Variants in GLP2R observed in about 807,000 individuals in gnomAD.
The protein encoded by GLP2R is glucagon like peptide 2 receptor, also known as glucagon-like peptide 2 receptor.
GLP2R carries 59 observed loss-of-function variants against 68.2 expected under a neutral mutation model. The ratio of observed to expected loss-of-function variants is 0.87; its 90% confidence interval spans 0.70 to 1.07. The LOEUF (loss-of-function observed/expected upper bound fraction) is 1.07, where lower values mean the gene tolerates loss of function less well. GLP2R is among the 50% of genes least tolerant of loss of function. The pLI is 0.00. For missense variants in GLP2R, 548 were observed against 677.4 expected (o/e 0.81, Z 2.12); for synonymous variants, 270 against 265.4 (o/e 1.02, Z -0.17).
At chr17:9,879,887 G>A (rs1384478010) in intron 10 of GLP2R, among the ~76,000 whole-genome samples, 1 of 152,096 alleles carries the variant, frequency 6.6e-6, no homozygotes. Flanking sequence ...TCCAGCCCGA[G>A]GTTTACTACT....
chr17:9,857,357 G>T, intron 5 of GLP2R, 66 bp from the exon 6 acceptor site: 1 of 1,447,846 alleles, frequency 6.9e-7, no homozygotes. Flanking sequence ...AGGCATAAAA[G>T]GCAGAGGCCT....
At chr17:9,842,670 C>A in intron 4 of GLP2R, 54 bp downstream of exon 4, 1 of 1,598,304 alleles carries the variant, frequency 6.3e-7, no homozygotes, top group Non-Finnish European at 8.5e-7. Flanking sequence ...CACCCTCCTT[C>A]GGGACACCCC....
rs1458220177 is a variant in GLP2R, at chr17:9,890,961, G to C, written c.*1256G>C. On this transcript the variant is annotated 3_prime_UTR_variant, in exon 13 of 13. Transcript: ENST00000262441. Reference sequence around the variant, plus strand: ...GCAAGAGGCTGTAGGAAGATCAAGGGATGGACATCCTTTGGAAACAGTGTG... The same window carrying C: ...GCAAGAGGCTGTAGGAAGATCAAGGCATGGACATCCTTTGGAAACAGTGTG... 1 of 152,244 alleles carries C rather than the reference G, an allele frequency of 6.6e-6. No individual in the cohort carries two copies. Among genetic ancestry groups the C allele is most frequent in the African/African-American group, 2.4e-5 (1 of 41,434 alleles). The allele number at this position is 152,244 out of a possible 1,614,324, so 9.4% of individuals were successfully genotyped here.
At chr17:9,854,277 C>T (rs1279473109) in intron 4 of GLP2R, among the ~76,000 whole-genome samples, 2 of 152,200 alleles carry the variant, frequency 1.3e-5, no homozygotes, top group Non-Finnish European at 2.9e-5. Flanking sequence ...TGAGACCCAC[C>T]GTGGGCTCTT....
At chr17:9,873,423 G>T (rs1250387084) in intron 10 of GLP2R, among the ~76,000 whole-genome samples, 1 of 152,134 alleles carries the variant, frequency 6.6e-6, no homozygotes, top group East Asian at 1.9e-4. Flanking sequence ...GCAGCCTTGT[G>T]AGCCCTACCA....
At chr17:9,836,888 C>T (rs1471155194) in intron 3 of GLP2R, among the ~76,000 whole-genome samples, 3 of 151,904 alleles carry the variant, frequency 2.0e-5, no homozygotes, top group South Asian at 4.1e-4. Context: ...CTCGCTCTGT[C>T]GCCCAGGCTG....
intron 10 of GLP2R, among the ~76,000 whole-genome samples, chr17:9,879,834 A>G (rs1444942180): frequency 2.0e-5 from 3 of 152,142 alleles, no homozygotes; most frequent in Admixed American, 6.5e-5. Flanking sequence ...CGAAGTCCAG[A>G]AAGGAGTCTG....
chr17:9,867,184 C>T (rs2067046786), intron 9 of GLP2R, among the ~76,000 whole-genome samples: 1 of 152,146 alleles, frequency 6.6e-6, no homozygotes, highest in African/African-American at 2.4e-5. Context: ...GAGGAAAAGC[C>T]AACTGTGCAT....
At chr17:9,844,454 G>C (rs1166244463) in intron 4 of GLP2R, among the ~76,000 whole-genome samples, 1 of 151,884 alleles carries the variant, frequency 6.6e-6, no homozygotes, top group Non-Finnish European at 1.5e-5. Flanking sequence ...AGCGCCCAGG[G>C]GTGGAAGAAG....
intron 11 of GLP2R, among the ~76,000 whole-genome samples, chr17:9,882,038 T>TA (rs60129746): frequency 0.011 from 1,223 of 113,604 alleles, 13 homozygotes; most frequent in East Asian, 0.032. Context: ...ACACATTAAC[T>TA]AAAAAAAAAA....
intron 9 of GLP2R, among the ~76,000 whole-genome samples, chr17:9,863,444 G>A (rs939248999): frequency 3.3e-5 from 5 of 152,174 alleles, no homozygotes; most frequent in Non-Finnish European, 5.9e-5. Flanking sequence ...CCAGTCAATG[G>A]AAACTGGATC....
Position 9,833,895 on chromosome 17 carries a change from G to T in GLP2R, c.277+1G>T. The T allele has an allele frequency of 6.3e-7, 1 of 1,583,306 alleles. No individual in the cohort carries two copies. The highest frequency in any genetic ancestry group is 1.1e-5 in the South Asian group (1 of 90,422). On this transcript the variant is annotated splice_donor_variant, in intron 2 of 12. Transcript: ENST00000262441. LOFTEE classifies it high-confidence loss of function. Reference sequence around the variant, plus strand: ...AGAGACTTACTCAAGGAACCTTCTGGTAAGCATGTGTATTAGTTATCCGTG... The same window carrying T: ...AGAGACTTACTCAAGGAACCTTCTGTTAAGCATGTGTATTAGTTATCCGTG...
intron 9 of GLP2R, chr17:9,865,934 C>T: frequency 6.4e-6 from 3 of 470,984 alleles, no homozygotes; most frequent in Non-Finnish European, 1.3e-5. Flanking sequence ...CTGACATATA[C>T]CCCAGAGAAA....
intron 5 of GLP2R, among the ~76,000 whole-genome samples, chr17:9,856,149 A>G (rs1288335661): frequency 2.0e-5 from 3 of 152,176 alleles, no homozygotes; most frequent in Admixed American, 2.0e-4. Context: ...TGCTTGAGCT[A>G]TGGGAGAACT....
rs770279793 is a variant in GLP2R, at chr17:9,889,656, T to TCA, written c.1615_1616dup (p.Met540ProfsTer30). 39 of 1,607,454 alleles carry TCA rather than the reference T, an allele frequency of 2.4e-5. No individual in the cohort carries two copies. Among genetic ancestry groups the TCA allele is most frequent in the Non-Finnish European group, 3.2e-5 (38 of 1,175,928 alleles). Reference sequence around the variant, plus strand: ...CTGTCCGAGTGCAGTGAGGGGGATGTCACCATGGCCAACACCATGGAGGAG... The same window carrying TCA: ...CTGTCCGAGTGCAGTGAGGGGGATGTCACACCATGGCCAACACCATGGAGGAG... On this transcript the variant is annotated frameshift_variant, in exon 13 of 13. Coordinates refer to ENST00000262441, the MANE Select transcript of GLP2R (RefSeq NM_004246.3). LOFTEE classifies it high-confidence loss of function.
intron 4 of GLP2R, among the ~76,000 whole-genome samples, chr17:9,854,060 T>A (rs2066914404): frequency 6.6e-6 from 1 of 152,250 alleles, no homozygotes; most frequent in South Asian, 2.1e-4. Context: ...AGGTCATCTA[T>A]GAAGACTTAC....
intron 9 of GLP2R, 32 bp from the exon 10 acceptor site, chr17:9,870,715 C>T (rs750613775): frequency 1.3e-5 from 13 of 1,011,016 alleles, no homozygotes; most frequent in Non-Finnish European, 1.6e-6. Flanking sequence ...GAATTCGTCA[C>T]TTACTTACCC....
chr17:9,879,851 G>A (rs2067179804), intron 10 of GLP2R, among the ~76,000 whole-genome samples: 2 of 152,264 alleles, frequency 1.3e-5, no homozygotes, highest in Admixed American at 6.5e-5. Context: ...TCTGCAGGTC[G>A]GAACTGCAGG....
In GLP2R at chr17:9,836,290, C is replaced by T. The variant is rs866651276; in HGVS notation, c.278-81C>T. 28 of 917,382 alleles carry T rather than the reference C, an allele frequency of 3.1e-5. 1 individual carries two copies. Among genetic ancestry groups the T allele is most frequent in the African/African-American group, 2.3e-4 (14 of 61,314 alleles). The allele number at this position is 917,382 out of a possible 1,614,324, so 56.8% of individuals were successfully genotyped here. On this transcript the variant is annotated intron_variant, in intron 2 of 12. Transcript: ENST00000262441. ...CAGCTTCCAGTGCCAGGAAGGTGGG[C>T]TCCCACGGTGCCTCTGCCTCCATCA...
Sources: gnomAD v4.1 joint callset for allele counts (sites outside exome capture counted in the v4.1 genomes callset) on GRCh38, gnomAD v4.1.1 for gene constraint, MANE v1.5 for transcripts, NCBI Gene and HGNC (gene_info 2026-07-23, HGNC 2026-07-21) for gene names.